COL4A4: variants seen among roughly 807,000 people sequenced by gnomAD.
COL4A4 encodes collagen alpha-4(IV) chain.
In COL4A4, 105 loss-of-function variants were observed where a neutral mutation model predicts 192.9. The ratio of observed to expected loss-of-function variants is 0.54; its 90% confidence interval spans 0.46 to 0.64. COL4A4 has a LOEUF of 0.64. COL4A4 is among the 30% of genes least tolerant of loss of function. COL4A4 has a pLI of 0.00. For missense variants in COL4A4, 1,967 were observed against 2,169.3 expected, an observed-to-expected ratio of 0.91 and a Z score of 1.85; for synonymous variants, 762 against 769.9, an observed-to-expected ratio of 0.99 and a Z score of 0.17.
chr2:227,108,556 C>T, intron 12 of COL4A4, 25 bp downstream of exon 12: 1 of 1,610,688 alleles, frequency 6.2e-7, no homozygotes, highest in Non-Finnish European at 8.5e-7. Context: ...ACCATCTGCT[C>T]CTCAGAGCAA....
At chr2:227,079,348 C>T (rs1297543299) in intron 24 of COL4A4, among the ~76,000 whole-genome samples, 1 of 152,172 alleles carries the variant, frequency 6.6e-6, no homozygotes, top group Non-Finnish European at 1.5e-5. Flanking sequence ...TAGATGAGTA[C>T]ATTATGACAA....
chr2:227,109,073 G>T, intron 10 of COL4A4, 151 bp downstream of exon 10: 1 of 900,604 alleles, frequency 1.1e-6, no homozygotes, highest in Non-Finnish European at 1.9e-6. Flanking sequence ...TCAAGATGGA[G>T]TCCCACTGAT....
chr2:227,032,328 T>C, intron 38 of COL4A4, 52 bp from the exon 39 acceptor site: 1 of 1,563,678 alleles, frequency 6.4e-7, no homozygotes. Context: ...CTTGTCCCTG[T>C]TATAGTGCCT....
chr2:226,992,526 C>T, the COL4A4 span, among the ~76,000 whole-genome samples: 1 of 151,966 alleles, frequency 6.6e-6, no homozygotes, highest in Non-Finnish European at 1.5e-5. Flanking sequence ...ATTGTTATAC[C>T]CAAGGTCTTC....
chr2:227,105,062 TAATA>T (rs1021404903), intron 12 of COL4A4, among the ~76,000 whole-genome samples: 27 of 152,048 alleles, frequency 1.8e-4, no homozygotes, highest in South Asian at 6.2e-4. Flanking sequence ...CAGAATACTA[TAATA>T]AATATATAAA....
Position 227,080,487 on chromosome 2 carries a change from C to A in COL4A4, c.1759G>T (p.Gly587Cys). The A allele has an allele frequency of 6.2e-7, 1 of 1,614,152 alleles. No individual in the cohort carries two copies. Among genetic ancestry groups the A allele is most frequent in the Non-Finnish European group, 8.5e-7 (1 of 1,180,038 alleles). The change falls in exon 24 of 48, where the codon GGT becomes TGT. Residue 587 changes from glycine to cysteine, a missense_variant. Transcript: ENST00000396625. ...TTTTCTCCAGCATGTCCATCCCGAC[C>A]ATGTGATCCTGGCTGCCCTGGAAAT... ...PGFPGQPGSH[G>C]RDGHAGEKGD...
intron 4 of COL4A4, among the ~76,000 whole-genome samples, chr2:227,131,470 A>AGCTGCATTGCAT (rs1437733957): frequency 6.6e-6 from 1 of 152,030 alleles, no homozygotes; most frequent in African/African-American, 2.4e-5. Flanking sequence ...CTGCTTTTTA[A>AGCTGCATTGCAT]GCTGCATTGC....
intron 4 of COL4A4, among the ~76,000 whole-genome samples, chr2:227,126,034 TCTGAGGA>T (rs1298038262): frequency 6.6e-6 from 1 of 152,192 alleles, no homozygotes; most frequent in African/African-American, 2.4e-5. Context: ...TGGCTCCCGT[TCTGAGGA>T]CTCAACCGAT....
rs1553669704 is a variant in COL4A4 at position 227,088,678 on chromosome 2, C to T, written c.1598G>A (p.Gly533Asp). The change falls in exon 22 of 48, where the codon GGT becomes GAT. Residue 533 changes from glycine (G) to aspartate (D), a missense_variant. Transcript: ENST00000396625. Reference protein sequence around the residue: ...LGTKGDPGPPGAEGPPGLPGK... With the variant: ...LGTKGDPGPPDAEGPPGLPGK... ...TGGTAGCCCTGGAGGTCCTTCAGCACCAGGAGGTCCTGGGTCACCTTTTGT... is the reference window on the plus strand; with the variant it reads ...TGGTAGCCCTGGAGGTCCTTCAGCATCAGGAGGTCCTGGGTCACCTTTTGT... The T allele has an allele frequency of 3.1e-6, 5 of 1,614,104 alleles. No homozygotes were observed. The highest frequency in any genetic ancestry group is 3.4e-6 in the Non-Finnish European group (4 of 1,180,020).
intron 32 of COL4A4, 69 bp from the exon 33 acceptor site, chr2:227,051,227 C>A: frequency 6.6e-7 from 1 of 1,506,728 alleles, no homozygotes; most frequent in African/African-American, 1.4e-5. Context: ...AGCTGAGGGA[C>A]CTGGTCCTAC....
At chr2:227,037,111 G>C (rs112255468) in intron 37 of COL4A4, among the ~76,000 whole-genome samples, 2 of 152,138 alleles carry the variant, frequency 1.3e-5, no homozygotes, top group Admixed American at 1.3e-4. Flanking sequence ...GACACTTTAA[G>C]TTCTGGGATA....
chr2:227,057,609 A>G lies in COL4A4; in HGVS notation c.2384-9T>C. On this transcript the variant is annotated splice_polypyrimidine_tract_variant and intron_variant, in intron 28 of 47. Transcript: ENST00000396625. ...AGGAATGCCAGCTGGCCCTGAAATG[A>G]TACAATACATCCATGACATTCATGA... 1 of 1,613,968 alleles carries G rather than the reference A, an allele frequency of 6.2e-7. No homozygotes were observed. The highest frequency in any genetic ancestry group is 8.5e-7 in the Non-Finnish European group (1 of 1,179,922).
chr2:227,052,344 G>C lies in COL4A4; in HGVS notation c.2929C>G (p.Pro977Ala), dbSNP rs769300622. The change falls in exon 32 of 48, where the codon CCT (proline) becomes GCT (alanine). Residue 977 changes from proline to alanine, a missense_variant. Pro to Ala is a conservative substitution (Grantham distance 27). Transcript: ENST00000396625. The stretch of plus-strand genomic sequence containing the variant: ...AATCCATCATCTCCAGGAGGTCCAG[G>C]TTCCCCAGGTGTTCCCTTTTGTGAA... ...IISQKGTPGE[P>A]GPPGDDGFPG... 169 of 1,613,072 alleles carry C rather than the reference G, an allele frequency of 1.0e-4. No individual in the cohort carries two copies. The highest frequency in any genetic ancestry group is 1.3e-4 in the Non-Finnish European group (159 of 1,179,188).
intron 1 of COL4A4, among the ~76,000 whole-genome samples, chr2:227,160,416 G>A (rs76709596): frequency 6.6e-6 from 1 of 152,232 alleles, no homozygotes; most frequent in Non-Finnish European, 1.5e-5. Flanking sequence ...AGTAGCCTGT[G>A]TCACATCTAG....
chr2:227,102,781 A>G lies in COL4A4; in HGVS notation c.930+8T>C. 1.9e-6 allele frequency: 3 copies of G among 1,611,436 alleles called. No homozygotes were observed. The highest frequency in any genetic ancestry group is 2.5e-6 in the Non-Finnish European group (3 of 1,177,556). On this transcript the variant is annotated splice_region_variant and intron_variant, in intron 15 of 47. Coordinates refer to ENST00000396625, the MANE Select transcript of COL4A4 (RefSeq NM_000092.5). ...AATTCACTGATGTTAACAGCAAATGATGCTTACCCGAGGCCCTGGAAATCC... is the reference window on the plus strand; with the variant it reads ...AATTCACTGATGTTAACAGCAAATGGTGCTTACCCGAGGCCCTGGAAATCC...
rs7588679 is a variant in COL4A4, at chr2:227,111,965, C to A, written c.559-252G>T. 3.4e-3 allele frequency among the ~76,000 whole-genome samples: 515 copies of A among 152,234 alleles called. 3 individuals carry two copies. The highest frequency in any genetic ancestry group is 0.012 in the African/African-American group (481 of 41,548). On this transcript the variant is annotated intron_variant, in intron 8 of 47. Transcript: ENST00000396625. ...ACATGGAATCAAAATGAGATTTTTTCTTTGTTTAAATTGTTCTAAATTCTC... is the reference window on the plus strand; with the variant it reads ...ACATGGAATCAAAATGAGATTTTTTATTTGTTTAAATTGTTCTAAATTCTC...
At chr2:227,047,645 T>C in intron 34 of COL4A4, 96 bp from the exon 35 acceptor site, 1 of 782,108 alleles carries the variant, frequency 1.3e-6, no homozygotes, top group Non-Finnish European at 2.2e-6. Context: ...ATAGCTTATC[T>C]TCAGATATTT....
At chr2:226,968,347 G>A in the COL4A4 span, among the ~76,000 whole-genome samples, 4,428 of 152,298 alleles carry the variant, frequency 0.029, 81 homozygotes, top group Non-Finnish European at 0.036. Flanking sequence ...AGGGCAGGCC[G>A]TCAGGAAGGG....
chr2:227,091,164 G>C (rs1165356962), intron 20 of COL4A4, among the ~76,000 whole-genome samples: 18 of 152,002 alleles, frequency 1.2e-4, no homozygotes, highest in African/African-American at 3.9e-4. Flanking sequence ...TAAAACAGAA[G>C]ATGAGGGAGA....
Sources: allele counts gnomAD v4.1 joint callset (sites outside exome capture counted in the v4.1 genomes callset), GRCh38; gene constraint gnomAD v4.1.1; transcripts MANE v1.5; gene names NCBI Gene and HGNC (gene_info 2026-07-23, HGNC 2026-07-21).